SUPT3H: variants seen among roughly 807,000 people sequenced by gnomAD.
The protein encoded by SUPT3H is SPT3 homolog, SAGA and STAGA complex component.
In SUPT3H, 44 loss-of-function variants were observed where a neutral mutation model predicts 44.3. The observed-to-expected ratio is 0.99, with a 90% CI of 0.78 to 1.28. SUPT3H has a LOEUF of 1.28. SUPT3H is among the 50% of genes most tolerant of loss of function. SUPT3H has a pLI of 0.00. For missense variants in SUPT3H, 380 were observed against 387.1 expected, an observed-to-expected ratio of 0.98 and a Z score of 0.15; for synonymous variants, 124 against 125.6, an observed-to-expected ratio of 0.99 and a Z score of 0.09.
At chr6:45,188,484 T>A (rs1814612983) in intron 2 of SUPT3H, among the ~76,000 whole-genome samples, 2 of 152,202 alleles carry the variant, frequency 1.3e-5, no homozygotes, top group Admixed American at 1.3e-4. Flanking sequence ...GTGTTCTAAT[T>A]TATAGCAATC....
At chr6:45,195,315 G>T (rs1233978569) in intron 2 of SUPT3H, among the ~76,000 whole-genome samples, 3 of 152,136 alleles carry the variant, frequency 2.0e-5, no homozygotes, top group Non-Finnish European at 1.5e-5. Context: ...AGGAACAAAA[G>T]CCACCAACTA....
chr6:45,287,070 C>A (rs1433986265), intron 2 of SUPT3H, among the ~76,000 whole-genome samples: 1 of 151,970 alleles, frequency 6.6e-6, no homozygotes, highest in East Asian at 1.9e-4. Flanking sequence ...GGAAGGGGAA[C>A]ATCACACACC....
chr6:45,297,531 G>A (rs9472457), intron 2 of SUPT3H, among the ~76,000 whole-genome samples: 26,891 of 152,120 alleles, frequency 0.18, 3,626 homozygotes, highest in African/African-American at 0.38. Flanking sequence ...AGACAGGTTG[G>A]CAGAAATGCA....
chr6:45,289,623 A>G (rs1779975181), intron 2 of SUPT3H, among the ~76,000 whole-genome samples: 1 of 152,222 alleles, frequency 6.6e-6, no homozygotes, highest in Non-Finnish European at 1.5e-5. Flanking sequence ...CAGATAATAT[A>G]TTAACACATA....
At chr6:45,120,718 T>A (rs12530207) in intron 2 of SUPT3H, among the ~76,000 whole-genome samples, 1 of 152,038 alleles carries the variant, frequency 6.6e-6, no homozygotes, top group Admixed American at 6.6e-5. Context: ...CCTCTATTCA[T>A]GCAAATAGCT....
chr6:45,091,051 C>G (rs1797067679), intron 3 of SUPT3H, among the ~76,000 whole-genome samples: 1 of 151,898 alleles, frequency 6.6e-6, no homozygotes, highest in Admixed American at 6.6e-5. Flanking sequence ...ATATCCTTTT[C>G]AAGTATGTTT....
intron 2 of SUPT3H, among the ~76,000 whole-genome samples, chr6:45,114,295 C>A (rs879428285): frequency 1.3e-5 from 2 of 151,884 alleles, no homozygotes; most frequent in Admixed American, 1.3e-4. Flanking sequence ...GTCAAGTTTA[C>A]ATTCCGATGA....
intron 7 of SUPT3H, among the ~76,000 whole-genome samples, chr6:44,954,896 A>G (rs1774881788): frequency 6.6e-6 from 1 of 152,224 alleles, no homozygotes; most frequent in South Asian, 2.1e-4. Flanking sequence ...AATGTTTAAT[A>G]CTTCTCACAC....
chr6:45,369,002 GA>G (rs1795607127), intron 1 of SUPT3H, among the ~76,000 whole-genome samples: 2 of 151,722 alleles, frequency 1.3e-5, no homozygotes, highest in South Asian at 2.1e-4. Context: ...CACTGAGAAT[GA>G]AAAAAATTAA....
chr6:44,866,862 C>T (rs1184616140), intron 10 of SUPT3H, among the ~76,000 whole-genome samples: 2 of 152,140 alleles, frequency 1.3e-5, no homozygotes, highest in Non-Finnish European at 2.9e-5. Context: ...AGTGTAAACA[C>T]AAATCATTAC....
chr6:45,370,553 A>G (rs1340862677), intron 1 of SUPT3H, among the ~76,000 whole-genome samples: 1 of 152,190 alleles, frequency 6.6e-6, no homozygotes, highest in East Asian at 1.9e-4. Context: ...TAATTAATCA[A>G]TATAATAGAA....
At position 44,855,938 on chromosome 6, in the gene SUPT3H, AAT is replaced by A. The variant is rs1773647382; in HGVS notation, c.913-26083_913-26082del. 2.0e-5 allele frequency among the ~76,000 whole-genome samples: 3 copies of A among 152,210 alleles called. No individual in the cohort carries two copies. In the South Asian group the frequency reaches 6.2e-4, roughly 32 times the overall value. On this transcript the variant is annotated intron_variant, in intron 10 of 10. Transcript: ENST00000371459. ...CTACAATCTCCAGTCTCCAGGGAAGAATATGACTGTTCCCAGAGGAGAGTAAG... is the reference window on the plus strand; with the variant it reads ...CTACAATCTCCAGTCTCCAGGGAAGAATGACTGTTCCCAGAGGAGAGTAAG...
chr6:44,887,338 C>T (rs539766236), intron 10 of SUPT3H, among the ~76,000 whole-genome samples: 8 of 152,292 alleles, frequency 5.3e-5, no homozygotes, highest in African/African-American at 1.9e-4. Flanking sequence ...CCACACCACA[C>T]CTACTCCAAA....
chr6:45,147,811 G>A (rs554911107), intron 2 of SUPT3H, among the ~76,000 whole-genome samples: 1 of 151,900 alleles, frequency 6.6e-6, no homozygotes, highest in East Asian at 1.9e-4. Context: ...GAGGACAGAG[G>A]AATTTGATTA....
At chr6:45,316,314 A>G (rs1471207741) in intron 2 of SUPT3H, among the ~76,000 whole-genome samples, 4 of 152,132 alleles carry the variant, frequency 2.6e-5, no homozygotes, top group Non-Finnish European at 5.9e-5. Flanking sequence ...GTACTCCAAT[A>G]ACTTATGGAA....
chr6:44,844,096 G>A (rs1021613753), intron 10 of SUPT3H, among the ~76,000 whole-genome samples: 4 of 152,040 alleles, frequency 2.6e-5, no homozygotes, highest in African/African-American at 4.8e-5. Context: ...AGACCTACAC[G>A]TTTTTGGAGT....
At chr6:44,955,341 C>A in intron 7 of SUPT3H, 1 of 152,544 alleles carries the variant, frequency 6.6e-6, no homozygotes, top group Non-Finnish European at 1.5e-5. Flanking sequence ...GCCCTGCTCA[C>A]CAGCTGCCTG....
intron 2 of SUPT3H, among the ~76,000 whole-genome samples, chr6:45,239,161 AC>A (rs1769802995): frequency 2.0e-5 from 3 of 152,190 alleles, no homozygotes; most frequent in African/African-American, 4.8e-5. Flanking sequence ...GGTTTATTCT[AC>A]ACAATTAATT....
intron 2 of SUPT3H, among the ~76,000 whole-genome samples, chr6:45,308,068 A>C (rs1783354969): frequency 6.6e-6 from 1 of 152,188 alleles, no homozygotes; most frequent in Non-Finnish European, 1.5e-5. Context: ...AAAAAGAATA[A>C]AAAGAAACAA....
Sources: allele counts gnomAD v4.1 joint callset (sites outside exome capture counted in the v4.1 genomes callset), GRCh38; gene constraint gnomAD v4.1.1; transcripts MANE v1.5; gene names NCBI Gene and HGNC (gene_info 2026-07-23, HGNC 2026-07-21).